The following MZT2B variants were observed in gnomAD, a reference collection of about 807,000 sequenced individuals.
MZT2B encodes the protein mitotic spindle organizing protein 2B.
A neutral mutation model predicts 12.1 loss-of-function variants in MZT2B; 11 were observed. The ratio of observed to expected loss-of-function variants is 0.91; its 90% CI spans 0.57 to 1.50. The LOEUF (loss-of-function observed/expected upper bound fraction) is 1.50. Ranked by LOEUF, MZT2B falls within the 40% of genes most tolerant of loss-of-function variation. The pLI, the probability that MZT2B is intolerant of heterozygous loss-of-function variation, is 0.00. For synonymous variants in MZT2B, 85 were observed against 109.5 expected (o/e 0.78, Z 1.40); for missense variants, 209 against 227.7 (o/e 0.92, Z 0.53).
chr2:130,181,779 C>A (rs1377144732), upstream of MZT2B: 3 of 1,546,802 alleles, frequency 1.9e-6, no homozygotes, highest in African/African-American at 2.7e-5. Flanking sequence ...TGCGTTGTGG[C>A]GGCCTCCGGC....
the MZT2B span, among the ~76,000 whole-genome samples, chr2:130,201,785 A>C: frequency 3.3e-5 from 5 of 152,202 alleles, no homozygotes; most frequent in Non-Finnish European, 7.3e-5. Flanking sequence ...TTCTTAGACC[A>C]ACCAAGGTGG....
downstream of MZT2B, chr2:130,194,288 T>C (rs528985832): frequency 2.4e-5 from 38 of 1,604,500 alleles, no homozygotes; most frequent in Admixed American, 4.7e-4. Context: ...GATGGAGTTG[T>C]AGGGCTCCAC....
intron 2 of MZT2B, among the ~76,000 whole-genome samples, chr2:130,185,253 G>A (rs1178124107): frequency 6.6e-6 from 1 of 150,940 alleles, no homozygotes; most frequent in African/African-American, 2.4e-5. Context: ...GGAGCTTACA[G>A]TGAGCCGAGA....
the MZT2B span, among the ~76,000 whole-genome samples, chr2:130,203,257 T>C: frequency 6.6e-6 from 1 of 152,206 alleles, no homozygotes; most frequent in Non-Finnish European, 1.5e-5. Context: ...ATCATCCCCC[T>C]GCATGACTTG....
intron 2 of MZT2B, among the ~76,000 whole-genome samples, chr2:130,185,712 G>A (rs538471145): frequency 8.0e-6 from 1 of 125,554 alleles, no homozygotes; most frequent in Admixed American, 8.7e-5. Context: ...CGGTCAAGAT[G>A]TATGTGAGGG....
chr2:130,182,369 G>A lies in MZT2B; in HGVS notation c.87G>A (p.Arg29=), dbSNP rs771478812. Residue 29 remains arginine, a synonymous_variant, in exon 1 of 3, where the codon CGG becomes CGA. Transcript: ENST00000281871. The part of the protein sequence containing the change: ...EAARQKLALR[R]KKVLSTEEME... ...CCCGGCAGAAGCTGGCGCTGCGGCG[G>A]AAGAAGGTGCTGAGCACCGAGGAGA... 1 of 1,543,796 alleles carries A rather than the reference G, an allele frequency of 6.5e-7. No individual in the cohort carries two copies. The highest frequency in any genetic ancestry group is 2.2e-4 in the Middle Eastern group (1 of 4,466).
chr2:130,191,930 G>C (rs764319924), downstream of MZT2B: 62 of 1,613,924 alleles, frequency 3.8e-5, no homozygotes, highest in Non-Finnish European at 3.5e-5. Context: ...GGGCCTCAGA[G>C]AACTCTCCCT....
downstream of MZT2B, chr2:130,192,173 C>G: frequency 6.4e-7 from 1 of 1,555,960 alleles, no homozygotes; most frequent in Non-Finnish European, 8.7e-7. Flanking sequence ...TTATATCAAA[C>G]CTAGAAATGG....
chr2:130,194,969 C>T (rs577781287), downstream of MZT2B: 7 of 1,547,022 alleles, frequency 4.5e-6, no homozygotes, highest in Non-Finnish European at 6.1e-6. Context: ...TGAGCCACCG[C>T]GCCCGGCCAA....
At chr2:130,184,289 G>T (rs1362328068) in intron 2 of MZT2B, 103 of 985,448 alleles carry the variant, frequency 1.0e-4, no homozygotes, top group Middle Eastern at 5.2e-4. Flanking sequence ...GTGCTGGAGA[G>T]CACAGCCCCA....
chr2:130,195,212 C>T, downstream of MZT2B: 1 of 1,613,892 alleles, frequency 6.2e-7, no homozygotes, highest in South Asian at 1.1e-5. Context: ...CCTGTAGGTC[C>T]CTGTGCGCAC....
In MZT2B at chr2:130,189,267, G is replaced by A. The variant is rs184463425; in HGVS notation, c.320-1202G>A. Reference sequence around the variant, plus strand: ...GTGTGGAGTTTCTATGAGGGTGCAAGGAATTTGGCTGGGGTGGGACCAGTT... The same window carrying A: ...GTGTGGAGTTTCTATGAGGGTGCAAAGAATTTGGCTGGGGTGGGACCAGTT... On this transcript the variant is annotated intron_variant, in intron 2 of 2. Transcript: ENST00000281871. 4.0e-3 allele frequency among the ~76,000 whole-genome samples: 607 copies of A among 152,258 alleles called. 2 individuals carry two copies. The highest frequency in any genetic ancestry group is 0.014 in the African/African-American group (577 of 41,564).
Position 130,190,572 on chromosome 2 carries a change from C to G in MZT2B, c.423C>G (p.Thr141=). 1.2e-6 allele frequency: 2 copies of G among 1,613,612 alleles called. No individual in the cohort carries two copies. The highest frequency in any genetic ancestry group is 1.7e-6 in the Non-Finnish European group (2 of 1,179,860). The part of the protein sequence containing the change: ...SQRMPRQPSA[T]RLPKGGGPGK... The stretch of plus-strand genomic sequence containing the variant: ...GGATGCCACGCCAGCCCAGCGCTAC[C>G]AGGCTGCCCAAGGGGGGCGGGCCTG... Residue 141 remains threonine (T), a synonymous_variant, in exon 3 of 3, where the codon ACC becomes ACG. Coordinates refer to ENST00000281871, the MANE Select transcript of MZT2B (RefSeq NM_025029.5).
At chr2:130,183,248 C>G (rs1003758279) in intron 2 of MZT2B, 1 of 269,026 alleles carries the variant, frequency 3.7e-6, no homozygotes, top group Non-Finnish European at 7.2e-6. Flanking sequence ...TATACAGCAT[C>G]CAGGGAAGTG....
chr2:130,200,033 T>G, the MZT2B span, among the ~76,000 whole-genome samples: 3 of 151,812 alleles, frequency 2.0e-5, no homozygotes, highest in African/African-American at 7.3e-5. Context: ...GAGGCAGAGT[T>G]TGCAGTGAGC....
chr2:130,181,970 G>C, upstream of MZT2B: 1 of 1,401,496 alleles, frequency 7.1e-7, no homozygotes, highest in Non-Finnish European at 9.4e-7. Flanking sequence ...TGTATGCCTG[G>C]CACTGGGCTG....
At chr2:130,204,790 ACTTGGG>A in the MZT2B span, among the ~76,000 whole-genome samples, 3 of 152,068 alleles carry the variant, frequency 2.0e-5, no homozygotes, top group East Asian at 3.9e-4. Flanking sequence ...ATCTTTGAAA[ACTTGGG>A]CTGCATTATG....
chr2:130,188,694 A>G (rs1404864412), intron 2 of MZT2B, among the ~76,000 whole-genome samples: 3 of 152,222 alleles, frequency 2.0e-5, no homozygotes, highest in Admixed American at 2.0e-4. Context: ...TCATTCTCTG[A>G]GGAAGAACTC....
At chr2:130,186,823 T>C (rs1690082741) in intron 2 of MZT2B, among the ~76,000 whole-genome samples, 1 of 151,938 alleles carries the variant, frequency 6.6e-6, no homozygotes, top group South Asian at 2.1e-4. Flanking sequence ...GGAGGATTGC[T>C]TGAGCCTGGG....
Sources: allele counts gnomAD v4.1 joint callset (sites outside exome capture counted in the v4.1 genomes callset), GRCh38; gene constraint gnomAD v4.1.1; transcripts MANE v1.5; gene names NCBI Gene and HGNC (gene_info 2026-07-23, HGNC 2026-07-21).